Variants in SPRED1 observed in about 807,000 individuals in gnomAD.
SPRED1 encodes the protein sprouty-related, EVH1 domain-containing protein 1.
SPRED1 carries 18 observed loss-of-function variants against 52.3 expected under a neutral mutation model. The observed-to-expected ratio is 0.34, with a 90% CI of 0.24 to 0.51. The LOEUF is 0.51. Among genes scored for constraint, SPRED1 ranks in the 20% least tolerant of loss-of-function variants. SPRED1 has a pLI of 0.97. For synonymous variants in SPRED1, 155 were observed against 179.7 expected, an observed-to-expected ratio of 0.86 and a Z score of 1.10; for missense variants, 485 against 551.0, an observed-to-expected ratio of 0.88 and a Z score of 1.20.
At chr15:38,321,177 ATAAAG>A (rs768068006) in intron 2 of SPRED1, among the ~76,000 whole-genome samples, 10 of 152,246 alleles carry the variant, frequency 6.6e-5, no homozygotes, top group Non-Finnish European at 1.3e-4. Context: ...ATAGTTCATA[ATAAAG>A]TAAATTAAAT....
chr15:38,345,836 A>G (rs1052849045), intron 5 of SPRED1, among the ~76,000 whole-genome samples: 6 of 152,168 alleles, frequency 3.9e-5, no homozygotes, highest in Non-Finnish European at 1.5e-5. Flanking sequence ...AAGGGGAAAC[A>G]CTGTGTCTTT....
chr15:38,301,784 C>G (rs534684946), intron 2 of SPRED1, among the ~76,000 whole-genome samples: 1 of 152,282 alleles, frequency 6.6e-6, no homozygotes, highest in African/African-American at 2.4e-5. Context: ...ATTTTGAGAT[C>G]ACTAATGTTC....
At chr15:38,292,536 G>GAGGCGAA (rs1894945006) in intron 1 of SPRED1, among the ~76,000 whole-genome samples, 1 of 152,136 alleles carries the variant, frequency 6.6e-6, no homozygotes, top group Non-Finnish European at 1.5e-5. Flanking sequence ...ATCATGGTGG[G>GAGGCGAA]AGGCGAAAGG....
chr15:38,253,047 G>T lies in SPRED1; in HGVS notation c.-139G>T. On this transcript the variant is annotated 5_prime_UTR_variant, in exon 1 of 7. Coordinates refer to ENST00000299084, the MANE Select transcript of SPRED1 (RefSeq NM_152594.3). ...CTGGGGGGGTACCGTTCTGGGTGAGGCATCCACCATGGTGAGGCCCCTGTG... is the reference window on the plus strand; with the variant it reads ...CTGGGGGGGTACCGTTCTGGGTGAGTCATCCACCATGGTGAGGCCCCTGTG... The T allele has an allele frequency of 4.1e-6, 3 of 740,028 alleles. No homozygotes were observed. The highest frequency in any genetic ancestry group is 4.7e-6 in the Non-Finnish European group (2 of 421,192). 45.8% of individuals were successfully genotyped at this position (740,028 alleles called of 1,614,324 possible).
At chr15:38,296,417 TTTAGAG>T (rs1382806336) in intron 1 of SPRED1, among the ~76,000 whole-genome samples, 3 of 152,188 alleles carry the variant, frequency 2.0e-5, no homozygotes, top group Non-Finnish European at 4.4e-5. Flanking sequence ...AAAGTATAGC[TTTAGAG>T]TTATTCTGGT....
chr15:38,309,400 C>T lies in SPRED1; in HGVS notation c.207+9853C>T, dbSNP rs577015360. Among the ~76,000 whole-genome samples, 68 of 152,358 alleles carry T rather than the reference C, an allele frequency of 4.5e-4. 1 individual carries two copies. In the South Asian group the frequency reaches 0.014, roughly 32 times the overall value. On this transcript the variant is annotated intron_variant, in intron 2 of 6. Transcript: ENST00000299084. ...AAGTGATCTGCCCGCCTTAGCCTCC[C>T]AACGTGCTGGGATTACAGGCGTGAG... is the stretch of plus-strand genomic sequence containing the variant.
intron 1 of SPRED1, among the ~76,000 whole-genome samples, chr15:38,253,733 C>T (rs1220462109): frequency 6.6e-6 from 1 of 152,040 alleles, no homozygotes; most frequent in African/African-American, 2.4e-5. Context: ...AACTTATGAC[C>T]TGTAAGATTC....
chr15:38,275,558 C>T (rs1006671231), intron 1 of SPRED1, among the ~76,000 whole-genome samples: 2 of 152,112 alleles, frequency 1.3e-5, no homozygotes, highest in African/African-American at 2.4e-5. Flanking sequence ...AGTGCAATGG[C>T]GTGATCTTGG....
At chr15:38,327,730 A>T (rs1895732841) in intron 4 of SPRED1, among the ~76,000 whole-genome samples, 1 of 152,220 alleles carries the variant, frequency 6.6e-6, no homozygotes, top group East Asian at 1.9e-4. Context: ...GGGGACTATG[A>T]GCCAGAATCA....
intron 1 of SPRED1, among the ~76,000 whole-genome samples, chr15:38,255,939 T>A (rs1894086247): frequency 6.6e-6 from 1 of 152,182 alleles, no homozygotes; most frequent in Non-Finnish European, 1.5e-5. Flanking sequence ...TAACCCTTTC[T>A]AGATAGCCAT....
At chr15:38,325,438 A>G (rs899805998) in intron 4 of SPRED1, among the ~76,000 whole-genome samples, 4 of 151,706 alleles carry the variant, frequency 2.6e-5, no homozygotes, top group Non-Finnish European at 4.4e-5. Context: ...TATAGAAAGT[A>G]AAGTTTCTGG....
At chr15:38,299,604 T>G (rs189839896) in intron 2 of SPRED1, 57 bp downstream of exon 2, 2 of 1,520,528 alleles carry the variant, frequency 1.3e-6, no homozygotes, top group Non-Finnish European at 1.8e-6. Flanking sequence ...CTGTTTAAAG[T>G]TATGATTAGT....
chr15:38,287,898 C>T (rs2140969784), intron 1 of SPRED1, among the ~76,000 whole-genome samples: 1 of 152,272 alleles, frequency 6.6e-6, no homozygotes, highest in Non-Finnish European at 1.5e-5. Flanking sequence ...CCTTTCTTCT[C>T]CTTCCTTTAT....
chr15:38,351,404 A>G lies in SPRED1; in HGVS notation c.1075A>G (p.Ile359Val). Residue 359 changes from isoleucine to valine, a missense_variant, in exon 7 of 7, where the codon ATT (isoleucine) becomes GTT (valine). Transcript: ENST00000299084. ...AAAATGTCAGGATGCTCCAGACCCTATTAAAAGATGCATATATCAAGTTAG... is the reference window on the plus strand; with the variant it reads ...AAAATGTCAGGATGCTCCAGACCCTGTTAAAAGATGCATATATCAAGTTAG... The part of the protein sequence containing the change: ...RGKCQDAPDP[I>V]KRCIYQVSCM... 1 of 1,614,194 alleles carries G rather than the reference A, an allele frequency of 6.2e-7. No homozygotes were observed. The highest frequency in any genetic ancestry group is 2.2e-5 in the East Asian group (1 of 44,890).
At chr15:38,272,309 C>A (rs1322062721) in intron 1 of SPRED1, among the ~76,000 whole-genome samples, 2 of 128,136 alleles carry the variant, frequency 1.6e-5, no homozygotes, top group Non-Finnish European at 3.2e-5. Flanking sequence ...TGCTCTGTTG[C>A]TGAGGCTGGA....
At chr15:38,319,159 A>G (rs1181202445) in intron 2 of SPRED1, among the ~76,000 whole-genome samples, 2 of 152,174 alleles carry the variant, frequency 1.3e-5, no homozygotes, top group East Asian at 3.8e-4. Flanking sequence ...AACAATTCCA[A>G]TTTAGCATTG....
At chr15:38,330,224 GT>G (rs140165607) in intron 4 of SPRED1, among the ~76,000 whole-genome samples, 6,300 of 152,136 alleles carry the variant, frequency 0.041, 437 homozygotes, top group African/African-American at 0.14. Flanking sequence ...TAGAGGACTT[GT>G]TTTCCTTTAC....
intron 2 of SPRED1, among the ~76,000 whole-genome samples, chr15:38,318,627 A>ATTTTT (rs1895538027): frequency 6.6e-6 from 1 of 151,972 alleles, no homozygotes; most frequent in Non-Finnish European, 1.5e-5. Flanking sequence ...TATTATTGCC[A>ATTTTT]TCTTTGTGTC....
intron 1 of SPRED1, among the ~76,000 whole-genome samples, chr15:38,268,944 T>C (rs1026889952): frequency 1.3e-5 from 2 of 149,028 alleles, no homozygotes; most frequent in African/African-American, 2.4e-5. Context: ...TTTTTTCTTT[T>C]TTTTTTTTTT....
Sources: allele counts gnomAD v4.1 joint callset (sites outside exome capture counted in the v4.1 genomes callset), GRCh38; gene constraint gnomAD v4.1.1; transcripts MANE v1.5; gene names NCBI Gene and HGNC (gene_info 2026-07-23, HGNC 2026-07-21).